RIC1: variants seen among roughly 807,000 people sequenced by gnomAD.
RIC1 encodes the protein RIC1 partner of RAB6A GEF complex.
RIC1 carries 88 observed loss-of-function variants against 169.0 expected under a neutral mutation model. The observed-to-expected ratio is 0.52, with a 90% confidence interval of 0.44 to 0.62. The LOEUF is 0.62. Among genes scored for constraint, RIC1 ranks in the 20% least tolerant of loss-of-function variants. The probability of loss-of-function intolerance (pLI) is 0.00; values close to 1 mark genes in which losing one functional copy is unlikely to be tolerated. For synonymous variants in RIC1, 790 were observed against 601.5 expected (o/e 1.31, Z -4.59); for missense variants, 1,877 against 1,725.5 (o/e 1.09, Z -1.56).
Position 5,635,800 on chromosome 9 carries a change from C to T in RIC1, c.144+6347C>T, listed in dbSNP as rs140589487. ...TATAAGTGTTTGACTGTTCCTTCTA[C>T]ACGCTCTGTCTCTCTCTTGCCTGCC... is the stretch of plus-strand genomic sequence containing the variant. On this transcript the variant is annotated intron_variant, in intron 1 of 25. Transcript: ENST00000414202. Among the ~76,000 whole-genome samples the T allele has an allele frequency of 6.6e-5, 10 of 152,302 alleles. No homozygotes were observed. In the East Asian group the frequency reaches 1.9e-3, roughly 29 times the overall value.
At chr9:5,725,976 T>C (rs1453759761) in intron 6 of RIC1, among the ~76,000 whole-genome samples, 1 of 152,176 alleles carries the variant, frequency 6.6e-6, no homozygotes, top group Non-Finnish European at 1.5e-5. Context: ...CTTCCAACTA[T>C]GTGGTCAATT....
In RIC1 at chr9:5,629,401, G is replaced by A; in HGVS notation, c.92G>A (p.Arg31Lys). ...APFHVQSDPQ[R>K]AFFAVLAAAR... ...TTCCACGTTCAGTCCGACCCGCAGA[G>A]GGCTTTCTTCGCCGTGCTGGCCGCG... Residue 31 changes from arginine (R) to lysine (K), a missense_variant, in exon 1 of 26, where the codon AGG becomes AAG. Around this residue, in one of 3 missense-constraint regions of RIC1, gnomAD observed 1,104 missense variants for 992.0 expected, o/e 1.11. Transcript: ENST00000414202. 2 of 1,534,162 alleles carry A rather than the reference G, an allele frequency of 1.3e-6. No homozygotes were observed. The highest frequency in any genetic ancestry group is 8.7e-7 in the Non-Finnish European group (1 of 1,146,154).
chr9:5,629,163 GC>G lies in RIC1; in HGVS notation c.-144del. ...CGTCGCGCAGCCTTGCGTCGGCCCG[GC>G]CCGGCCAGGCCAGCGGGCAGATGCC... On this transcript the variant is annotated 5_prime_UTR_variant, in exon 1 of 26. Coordinates refer to ENST00000414202, the MANE Select transcript of RIC1 (RefSeq NM_020829.4). The G allele has an allele frequency of 1.3e-6, 1 of 741,102 alleles. No individual in the cohort carries two copies. The highest frequency in any genetic ancestry group is 4.9e-5 in the South Asian group (1 of 20,546). The allele number at this position is 741,102 out of a possible 1,614,324, so 45.9% of individuals were successfully genotyped here.
chr9:5,717,947 C>T (rs946647877), intron 4 of RIC1, among the ~76,000 whole-genome samples: 5 of 151,426 alleles, frequency 3.3e-5, no homozygotes, highest in Non-Finnish European at 7.4e-5. Flanking sequence ...CAAGACGAGC[C>T]TGGCCAACAC....
chr9:5,637,118 G>A (rs1293934887), intron 1 of RIC1, among the ~76,000 whole-genome samples: 3 of 152,104 alleles, frequency 2.0e-5, no homozygotes, highest in Non-Finnish European at 4.4e-5. Context: ...GGAGTGCAGT[G>A]GCACAATCTC....
chr9:5,750,774 C>A (rs770004016), intron 12 of RIC1, among the ~76,000 whole-genome samples: 27 of 149,914 alleles, frequency 1.8e-4, no homozygotes, highest in Non-Finnish European at 2.1e-4. Context: ...TTTTTTTTGT[C>A]ACTGATCAGC....
chr9:5,743,619 A>G, intron 9 of RIC1, 70 bp from the exon 10 acceptor site: 1 of 1,248,108 alleles, frequency 8.0e-7, no homozygotes, highest in Non-Finnish European at 1.1e-6. Context: ...TTTTTTAAAA[A>G]ACACTAAATT....
rs185067024 is a variant in RIC1, at chr9:5,759,664, G to C, written c.1992+2213G>C. The stretch of plus-strand genomic sequence containing the variant: ...AATAATTGTAAATTTTATTGGATGT[G>C]ATACTAGCATTGTAGCTATGTTAGC... On this transcript the variant is annotated intron_variant, in intron 17 of 25. Coordinates refer to ENST00000414202, the MANE Select transcript of RIC1 (RefSeq NM_020829.4). 2.2e-3 allele frequency among the ~76,000 whole-genome samples: 337 copies of C among 152,284 alleles called. 1 individual carries two copies. Among genetic ancestry groups the C allele is most frequent in the African/African-American group, 7.7e-3 (320 of 41,564 alleles).
chr9:5,686,717 T>G (rs1388281013), intron 2 of RIC1, among the ~76,000 whole-genome samples: 1 of 151,922 alleles, frequency 6.6e-6, no homozygotes, highest in East Asian at 1.9e-4. Flanking sequence ...GTATGGCACA[T>G]GTATACATAT....
At chr9:5,737,618 G>A (rs977174647) in intron 7 of RIC1, among the ~76,000 whole-genome samples, 6 of 129,000 alleles carry the variant, frequency 4.7e-5, no homozygotes, top group Admixed American at 7.8e-5. Context: ...TATCTTAAAC[G>A]TATATACTGT....
At chr9:5,671,560 G>A (rs1007650202) in intron 2 of RIC1, among the ~76,000 whole-genome samples, 1 of 152,208 alleles carries the variant, frequency 6.6e-6, no homozygotes, top group Non-Finnish European at 1.5e-5. Context: ...ATGGGCATGA[G>A]TCACTGCACC....
chr9:5,651,906 G>A (rs1462901519), intron 1 of RIC1, among the ~76,000 whole-genome samples: 1 of 152,134 alleles, frequency 6.6e-6, no homozygotes, highest in African/African-American at 2.4e-5. Flanking sequence ...TGTATAGTAA[G>A]ATAAGGGTCT....
intron 6 of RIC1, among the ~76,000 whole-genome samples, chr9:5,726,069 C>G (rs1823960274): frequency 6.6e-6 from 1 of 152,112 alleles, no homozygotes; most frequent in Non-Finnish European, 1.5e-5. Context: ...TCTATTAGGA[C>G]CACTTGGTGC....
At chr9:5,753,040 T>C (rs1416161891) in intron 12 of RIC1, among the ~76,000 whole-genome samples, 160 bp from the exon 13 acceptor site, 2 of 152,216 alleles carry the variant, frequency 1.3e-5, no homozygotes, top group Non-Finnish European at 2.9e-5. Flanking sequence ...ATGTAAAACA[T>C]TGATTCATAT....
At chr9:5,772,436 C>T in intron 23 of RIC1, 128 bp from the exon 24 acceptor site, 6 of 679,422 alleles carry the variant, frequency 8.8e-6, no homozygotes, top group Non-Finnish European at 9.4e-6. Flanking sequence ...TAATTTTAGC[C>T]ATGGATTTCA....
chr9:5,644,561 G>C (rs569484007), intron 1 of RIC1, among the ~76,000 whole-genome samples: 2 of 152,066 alleles, frequency 1.3e-5, no homozygotes, highest in Admixed American at 1.3e-4. Context: ...TCTGGTATCT[G>C]TTATTCCACA....
At chr9:5,744,166 T>C (rs761875580) in intron 10 of RIC1, among the ~76,000 whole-genome samples, 1 of 152,132 alleles carries the variant, frequency 6.6e-6, no homozygotes, top group Non-Finnish European at 1.5e-5. Context: ...GCATTTTGTT[T>C]AGATGTGGCC....
chr9:5,695,531 G>T (rs994210925), intron 3 of RIC1, among the ~76,000 whole-genome samples: 6 of 146,348 alleles, frequency 4.1e-5, no homozygotes, highest in Non-Finnish European at 9.0e-5. Context: ...CACTAGTTCA[G>T]TTTAGGTCTT....
intron 6 of RIC1, among the ~76,000 whole-genome samples, chr9:5,722,352 T>A (rs35047532): frequency 0.061 from 5,446 of 88,760 alleles, 132 homozygotes; most frequent in African/African-American, 0.095. Context: ...AGAGAGAGTG[T>A]GTGTGTGTGT....
Sources: gnomAD v4.1 joint callset for allele counts (sites outside exome capture counted in the v4.1 genomes callset) on GRCh38, gnomAD v4.1.1 for gene constraint, gnomAD v4.1.1 regional missense constraint, MANE v1.5 for transcripts, NCBI Gene and HGNC (gene_info 2026-07-23, HGNC 2026-07-21) for gene names.